Variants in INSC observed in about 807,000 individuals in gnomAD.
The protein encoded by INSC is protein inscuteable homolog.
In INSC, 67 loss-of-function variants were observed where a neutral mutation model predicts 58.6. The observed-to-expected ratio is 1.14, with a 90% confidence interval of 0.94 to 1.40. The LOEUF (loss-of-function observed/expected upper bound fraction) is 1.40, where lower values mean the gene tolerates loss of function less well. Ranked by LOEUF, INSC falls within the 40% of genes most tolerant of loss-of-function variation. The pLI is 0.00. For missense variants in INSC, 714 were observed against 692.0 expected (o/e 1.03, Z -0.36); for synonymous variants, 262 against 276.1 (o/e 0.95, Z 0.51).
At chr11:15,196,620 C>T (rs189822375) in intron 6 of INSC, among the ~76,000 whole-genome samples, 1 of 152,172 alleles carries the variant, frequency 6.6e-6, no homozygotes, top group Non-Finnish European at 1.5e-5. Context: ...GAGATGGGGG[C>T]AAATGGGAGA....
chr11:15,225,970 C>A, intron 9 of INSC, 142 bp downstream of exon 9: 1 of 771,512 alleles, frequency 1.3e-6, no homozygotes, highest in Non-Finnish European at 2.0e-6. Flanking sequence ...AAATATTCTC[C>A]ACGTTTCTCA....
Position 15,207,781 on chromosome 11 carries a change from C to CA in INSC, c.819+6839dup, listed in dbSNP as rs537654254. 2.7e-3 allele frequency among the ~76,000 whole-genome samples: 413 copies of CA among 152,220 alleles called. 3 individuals carry two copies. Among genetic ancestry groups the CA allele is most frequent in the Admixed American group, 4.5e-3 (69 of 15,302 alleles). On this transcript the variant is annotated intron_variant, in intron 7 of 12. Coordinates refer to ENST00000379556, the MANE Select transcript of INSC (RefSeq NM_001042536.3). ...AAAATAAATAAAAAATTCAAACAAG[C>CA]AAAAAAACCTCACTTTAATCAGTTT...
At chr11:15,188,949 A>G (rs1850068962) in intron 5 of INSC, among the ~76,000 whole-genome samples, 1 of 152,228 alleles carries the variant, frequency 6.6e-6, no homozygotes, top group African/African-American at 2.4e-5. Flanking sequence ...ATTTGTAGTG[A>G]CAAATCTTGG....
At chr11:15,196,082 C>CA (rs916251154) in intron 6 of INSC, among the ~76,000 whole-genome samples, 1 of 152,348 alleles carries the variant, frequency 6.6e-6, no homozygotes, top group African/African-American at 2.4e-5. Flanking sequence ...TAACACTCCC[C>CA]TGGGCTCTCA....
At chr11:15,262,125 C>A in the INSC span, among the ~76,000 whole-genome samples, 1 of 152,116 alleles carries the variant, frequency 6.6e-6, no homozygotes, top group Non-Finnish European at 1.5e-5. Flanking sequence ...CAGGTGGCAG[C>A]TTGGCCTCCC....
At chr11:15,236,588 G>T (rs11023481) in intron 10 of INSC, among the ~76,000 whole-genome samples, 1 of 152,142 alleles carries the variant, frequency 6.6e-6, no homozygotes, top group Non-Finnish European at 1.5e-5. Context: ...GGTGGGCCAG[G>T]TTTCATTGGC....
intron 7 of INSC, among the ~76,000 whole-genome samples, chr11:15,214,697 T>C (rs1382105984): frequency 6.6e-6 from 1 of 152,348 alleles, no homozygotes; most frequent in East Asian, 1.9e-4. Flanking sequence ...GCTGGAAACA[T>C]AATCCCCAGT....
chr11:15,267,821 T>C, the INSC span, among the ~76,000 whole-genome samples: 113,825 of 151,904 alleles, frequency 0.75, 42,848 homozygotes, highest in Middle Eastern at 0.84. Context: ...ATGCAAGACA[T>C]TGTGAATTTG....
chr11:15,229,599 G>C (rs1851768572), intron 9 of INSC, among the ~76,000 whole-genome samples: 1 of 152,000 alleles, frequency 6.6e-6, no homozygotes, highest in South Asian at 2.1e-4. Flanking sequence ...TGATTAGATG[G>C]GATAACGCTC....
At chr11:15,127,143 A>G (rs1848015848) in intron 1 of INSC, among the ~76,000 whole-genome samples, 1 of 152,212 alleles carries the variant, frequency 6.6e-6, no homozygotes, top group Non-Finnish European at 1.5e-5. Context: ...AACAGCCCAC[A>G]GGGAGATTAA....
intron 5 of INSC, among the ~76,000 whole-genome samples, chr11:15,179,268 C>T (rs541177277): frequency 1.5e-4 from 23 of 152,298 alleles, no homozygotes; most frequent in Admixed American, 1.3e-3. Context: ...CCCTCCCTTA[C>T]CCTTTGCTAT....
intron 1 of INSC, among the ~76,000 whole-genome samples, chr11:15,139,045 G>A (rs1291384314): frequency 6.6e-6 from 1 of 152,226 alleles, no homozygotes; most frequent in Admixed American, 6.5e-5. Flanking sequence ...TTAGATTTCA[G>A]AGAAAATCAT....
intron 7 of INSC, among the ~76,000 whole-genome samples, chr11:15,206,055 T>A (rs975930758): frequency 6.6e-6 from 1 of 152,200 alleles, no homozygotes; most frequent in Non-Finnish European, 1.5e-5. Context: ...CCTCCCTGCA[T>A]CCTAAGCTTC....
At chr11:15,242,429 G>A (rs1266112302) in intron 12 of INSC, among the ~76,000 whole-genome samples, 1 of 152,168 alleles carries the variant, frequency 6.6e-6, no homozygotes, top group Non-Finnish European at 1.5e-5. Flanking sequence ...TGTGGCTTCT[G>A]AGTTAATTTT....
intron 2 of INSC, among the ~76,000 whole-genome samples, chr11:15,174,902 A>C (rs1664828710): frequency 1.3e-5 from 2 of 152,224 alleles, no homozygotes; most frequent in South Asian, 4.1e-4. Context: ...AAGGGACTCA[A>C]CAAATATACA....
chr11:15,195,793 G>A (rs1254077559), intron 6 of INSC, among the ~76,000 whole-genome samples: 2 of 152,226 alleles, frequency 1.3e-5, no homozygotes, highest in African/African-American at 4.8e-5. Context: ...CTCACTGGAG[G>A]AGGTTGGCCA....
At chr11:15,185,825 G>A (rs1325761265) in intron 5 of INSC, among the ~76,000 whole-genome samples, 1 of 152,076 alleles carries the variant, frequency 6.6e-6, no homozygotes, top group African/African-American at 2.4e-5. Flanking sequence ...CAATTTTCTG[G>A]AAATTACATT....
At chr11:15,210,657 C>T (rs1850988866) in intron 7 of INSC, among the ~76,000 whole-genome samples, 1 of 151,898 alleles carries the variant, frequency 6.6e-6, no homozygotes, top group Non-Finnish European at 1.5e-5. Context: ...GATGAAAACA[C>T]AGTGCTGTTG....
chr11:15,214,950 T>TC (rs1413985434), intron 7 of INSC, among the ~76,000 whole-genome samples: 1 of 152,180 alleles, frequency 6.6e-6, no homozygotes, highest in African/African-American at 2.4e-5. Context: ...CTTCATAGCC[T>TC]CCAAAACTGT....
Sources: gnomAD v4.1 joint callset for allele counts (sites outside exome capture counted in the v4.1 genomes callset) on GRCh38, gnomAD v4.1.1 for gene constraint, MANE v1.5 for transcripts, NCBI Gene and HGNC (gene_info 2026-07-23, HGNC 2026-07-21) for gene names.